Variants in MTERF4 observed in about 807,000 individuals in gnomAD.
MTERF4 encodes transcription termination factor 4, mitochondrial.
In MTERF4, 17 loss-of-function variants were observed where a neutral mutation model predicts 22.5. The observed-to-expected ratio is 0.75, with a 90% CI of 0.52 to 1.13. MTERF4 has a LOEUF of 1.13. Among genes scored for constraint, MTERF4 ranks in the 50% most tolerant of loss-of-function variants. The probability of loss-of-function intolerance (pLI) is 0.00; values close to 1 mark genes in which losing one functional copy is unlikely to be tolerated. For missense variants in MTERF4, 420 were observed against 466.8 expected (o/e 0.90, Z 0.92); for synonymous variants, 165 against 175.3 (o/e 0.94, Z 0.47).
the MTERF4 span, among the ~76,000 whole-genome samples, chr2:241,044,778 T>C: frequency 1.3e-5 from 2 of 152,214 alleles, no homozygotes; most frequent in Non-Finnish European, 1.5e-5. Flanking sequence ...GGGTATTGTT[T>C]TTCCCTTTCC....
chr2:241,058,395 G>A, the MTERF4 span, among the ~76,000 whole-genome samples: 1 of 151,874 alleles, frequency 6.6e-6, no homozygotes, highest in Non-Finnish European at 1.5e-5. Context: ...AAAAAAATAC[G>A]AAATGATGCT....
intron 4 of MTERF4, among the ~76,000 whole-genome samples, chr2:241,077,625 C>T (rs1360987360): frequency 6.6e-6 from 1 of 152,080 alleles, no homozygotes; most frequent in Non-Finnish European, 1.5e-5. Context: ...AGACCCATAT[C>T]TAAAATAAAG....
the MTERF4 span, among the ~76,000 whole-genome samples, chr2:241,063,067 A>G: frequency 2.6e-5 from 4 of 152,218 alleles, no homozygotes; most frequent in Non-Finnish European, 5.9e-5. Flanking sequence ...AAGATTTTAC[A>G]AATATCCCTT....
chr2:241,063,427 G>T, the MTERF4 span: 1 of 643,378 alleles, frequency 1.6e-6, no homozygotes, highest in Non-Finnish European at 2.9e-6. Context: ...CCGAGGAGGG[G>T]TGGGTTTGGG....
At chr2:241,063,814 C>T in the MTERF4 span, 2 of 887,266 alleles carry the variant, frequency 2.3e-6, no homozygotes, top group Non-Finnish European at 3.5e-6. Flanking sequence ...GGAGAGGGAC[C>T]CCCAGGGCTG....
downstream of MTERF4, chr2:241,082,149 C>T (rs1297188875): frequency 6.9e-6 from 5 of 724,848 alleles, no homozygotes; most frequent in Non-Finnish European, 1.2e-5. Flanking sequence ...GGGCCCTCTC[C>T]CACCATCCCG....
At chr2:241,045,968 A>C in the MTERF4 span, among the ~76,000 whole-genome samples, 1 of 152,142 alleles carries the variant, frequency 6.6e-6, no homozygotes, top group Non-Finnish European at 1.5e-5. Flanking sequence ...GTGAGAAAAC[A>C]AACAACCCAA....
intron 2 of MTERF4, chr2:241,099,167 T>G: frequency 6.4e-6 from 3 of 471,186 alleles, no homozygotes; most frequent in Non-Finnish European, 1.1e-5. Context: ...CTCCGCCTCC[T>G]GGGTTCAAGC....
At chr2:241,070,210 CG>C (rs753210476), downstream of MTERF4, 2 of 1,598,244 alleles carry the variant, frequency 1.3e-6, no homozygotes, top group Non-Finnish European at 1.7e-6. Flanking sequence ...CTGTGAGTGC[CG>C]TGGGCCCTGC....
At chr2:241,047,992 T>C in the MTERF4 span, among the ~76,000 whole-genome samples, 5 of 150,668 alleles carry the variant, frequency 3.3e-5, no homozygotes, top group Middle Eastern at 3.5e-3. Context: ...TGGTGCTTCT[T>C]GTTCTGTCCA....
the MTERF4 span, chr2:241,048,536 A>G: frequency 1.3e-6 from 2 of 1,506,008 alleles, no homozygotes; most frequent in African/African-American, 2.8e-5. Flanking sequence ...CCCCGAAAAG[A>G]AACGTGTGAG....
downstream of MTERF4, among the ~76,000 whole-genome samples, chr2:241,086,248 CTTCTT>C (rs2063569203): frequency 1.3e-5 from 2 of 152,220 alleles, no homozygotes; most frequent in African/African-American, 2.4e-5. Flanking sequence ...CTCAGTAGTT[CTTCTT>C]TGCCTTGTGG....
chr2:241,063,672 A>G, the MTERF4 span: 2 of 1,611,524 alleles, frequency 1.2e-6, no homozygotes, highest in Middle Eastern at 1.7e-4. Flanking sequence ...GGTGCCCTGC[A>G]GGCTTCGTTG....
At chr2:241,058,701 A>G in the MTERF4 span, among the ~76,000 whole-genome samples, 3 of 152,236 alleles carry the variant, frequency 2.0e-5, no homozygotes, top group Non-Finnish European at 2.9e-5. Context: ...CTGTAATCGC[A>G]GCACTTTAGG....
downstream of MTERF4, chr2:241,095,395 G>A (rs2064347915): frequency 6.5e-6 from 1 of 152,776 alleles, no homozygotes; most frequent in Admixed American, 6.5e-5. Flanking sequence ...CATTTTGCTG[G>A]CCTTAAGAAG....
At chr2:241,090,213 TG>T (rs1464069991), downstream of MTERF4, 1 of 1,478,860 alleles carries the variant, frequency 6.8e-7, no homozygotes, top group African/African-American at 1.4e-5. Flanking sequence ...AATTTTTAAT[TG>T]TTTTTTACTA....
chr2:241,096,070 CTCA>C lies in MTERF4; in HGVS notation c.1071_1073del (p.Asp357del). 1 of 1,611,182 alleles carries C rather than the reference CTCA, an allele frequency of 6.2e-7. No homozygotes were observed. Among genetic ancestry groups the C allele is most frequent in the Non-Finnish European group, 8.5e-7 (1 of 1,179,260 alleles). On this transcript the variant is annotated inframe_deletion, in exon 4 of 4. Coordinates refer to ENST00000391980, the MANE Select transcript of MTERF4 (RefSeq NM_182501.4). The surrounding 1 kb of genome is among the most constrained non-coding windows in gnomAD (Gnocchi z 5.1). ...CGTCGTCGTCCTCATCATCGTCATC[CTCA>C]TCATTGTCATCCTCATCATTGTCCT...
the MTERF4 span, chr2:241,053,253 C>T: frequency 1.2e-6 from 2 of 1,606,558 alleles, no homozygotes; most frequent in Non-Finnish European, 1.7e-6. Flanking sequence ...ACCGTGGCTA[C>T]AGCCTGAGCG....
At chr2:241,083,144 C>G (rs1181827580), downstream of MTERF4, among the ~76,000 whole-genome samples, 2 of 152,180 alleles carry the variant, frequency 1.3e-5, no homozygotes, top group Non-Finnish European at 2.9e-5. Context: ...AGGACGAGAC[C>G]AGGAGAGCCT....
Sources: gnomAD v4.1 joint callset for allele counts (sites outside exome capture counted in the v4.1 genomes callset) on GRCh38, gnomAD v4.1.1 for gene constraint, Gnocchi (gnomAD v3.1) non-coding constraint, MANE v1.5 for transcripts, NCBI Gene and HGNC (gene_info 2026-07-23, HGNC 2026-07-21) for gene names.